The following ABCC8 variants were observed in gnomAD, a reference collection of about 807,000 sequenced individuals.
ABCC8 encodes the protein ATP binding cassette subfamily C member 8.
Under a neutral mutation model 188.0 loss-of-function variants are expected in ABCC8, and 137 were observed. The ratio of observed to expected loss-of-function variants is 0.73; its 90% CI spans 0.63 to 0.84. ABCC8 has a LOEUF of 0.84. Ranked by LOEUF, ABCC8 falls within the 40% of genes least tolerant of loss-of-function variation. ABCC8 has a pLI of 0.00. For missense variants in ABCC8, 1,750 were observed against 2,072.7 expected (o/e 0.84, Z 3.02); for synonymous variants, 797 against 846.5 (o/e 0.94, Z 1.01).
rs568576108 is a variant in ABCC8, at chr11:17,407,121, C to G, written c.2929G>C (p.Ala977Pro). 1.9e-6 allele frequency: 3 copies of G among 1,611,636 alleles called. No individual in the cohort carries two copies. The African/African-American group carries it at 4.0e-5, about 22-fold the overall frequency. The change falls in exon 25 of 39, where the codon GCT becomes CCT. Residue 977 changes from alanine (A) to proline (P), a missense_variant. By Grantham distance (27) the Ala-to-Pro change is conservative. Transcript: ENST00000389817. ...QDEEEEEEEA[A>P]ESEEDDNLSS... ...AGGTTGTCATCCTCCTCGCTCTCAG[C>G]TGCCTCCTCTGCAGGCCGCAAGAAC...
intron 16 of ABCC8, among the ~76,000 whole-genome samples, chr11:17,417,302 G>A (rs918668322): frequency 2.6e-5 from 4 of 152,082 alleles, no homozygotes; most frequent in African/African-American, 9.7e-5. Flanking sequence ...TTCTTATAGT[G>A]TTTTCCAAAC....
intron 14 of ABCC8, 92 bp from the exon 15 acceptor site, chr11:17,428,034 C>T (rs1027425983): frequency 8.2e-6 from 13 of 1,585,608 alleles, no homozygotes; most frequent in Non-Finnish European, 1.0e-5. Context: ...CCATGAAAGC[C>T]AAAAGACACT....
At chr11:17,467,449 CTCT>C (rs763976438) in intron 3 of ABCC8, among the ~76,000 whole-genome samples, 17 of 152,090 alleles carry the variant, frequency 1.1e-4, no homozygotes, top group South Asian at 8.3e-4. Flanking sequence ...ACCCACGCCA[CTCT>C]TCTTCTTCTG....
chr11:17,474,237 T>C (rs1002127293), intron 2 of ABCC8, among the ~76,000 whole-genome samples: 1 of 152,246 alleles, frequency 6.6e-6, no homozygotes, highest in Non-Finnish European at 1.5e-5. Context: ...TTTATGTTTA[T>C]CACATGCCTT....
intron 10 of ABCC8, chr11:17,436,100 C>T (rs1055942015): frequency 4.8e-6 from 4 of 841,874 alleles, no homozygotes; most frequent in African/African-American, 1.7e-5. Flanking sequence ...CCCAAAGGAA[C>T]AGCATTTCTG....
chr11:17,395,958 C>T, intron 33 of ABCC8, 28 bp from the exon 34 acceptor site: 1 of 1,555,842 alleles, frequency 6.4e-7, no homozygotes, highest in Non-Finnish European at 8.7e-7. Flanking sequence ...GGCACCGCCA[C>T]TGGGACTCTG....
chr11:17,435,339 C>T (rs79584400), intron 10 of ABCC8, among the ~76,000 whole-genome samples: 1 of 152,172 alleles, frequency 6.6e-6, no homozygotes, highest in Admixed American at 6.5e-5. Context: ...ATTGTTTCCA[C>T]TGTCTCAGGA....
intron 29 of ABCC8, among the ~76,000 whole-genome samples, chr11:17,401,278 G>A (rs1429324163): frequency 1.3e-5 from 2 of 152,250 alleles, no homozygotes; most frequent in African/African-American, 4.8e-5. Flanking sequence ...GCTGGGAGGA[G>A]ACTCTAGAGT....
At chr11:17,467,125 G>T (rs1848212545) in intron 3 of ABCC8, among the ~76,000 whole-genome samples, 1 of 146,916 alleles carries the variant, frequency 6.8e-6, no homozygotes. Flanking sequence ...AACATCTGTG[G>T]TATGACCTTC....
chr11:17,463,390 C>A (rs754026414), intron 4 of ABCC8, 48 bp downstream of exon 4: 1 of 1,497,282 alleles, frequency 6.7e-7, no homozygotes, highest in South Asian at 1.2e-5. Context: ...AGGACAGAGG[C>A]CAGAGCCTCT....
intron 10 of ABCC8, among the ~76,000 whole-genome samples, chr11:17,441,890 G>A (rs373010456): frequency 5.9e-5 from 9 of 152,210 alleles, no homozygotes; most frequent in African/African-American, 2.2e-4. Flanking sequence ...GACTAGCCTG[G>A]CCAATATGGT....
rs137873871 is a variant in ABCC8 at position 17,470,159 on chromosome 11, G to A, written c.354C>T (p.Val118=). 3.8e-3 allele frequency: 6,200 copies of A among 1,614,130 alleles called. 35 individuals carry two copies. The highest frequency in any genetic ancestry group is 3.6e-3 in the Non-Finnish European group (4,216 of 1,180,036). ...MPAGMAFMAA[V]TSVVYYHNIE... is the part of the protein sequence containing the mutation. The stretch of plus-strand genomic sequence containing the variant: ...TGTTGTGATAGTAGACCACGGAGGT[G>A]ACAGCAGCCATGAACGCCATCCCGG... The change falls in exon 3 of 39, where the codon GTC becomes GTT. Residue 118 remains valine (V), a synonymous_variant. Transcript: ENST00000389817.
chr11:17,470,261 C>G, intron 2 of ABCC8, 39 bp from the exon 3 acceptor site: 2 of 1,613,146 alleles, frequency 1.2e-6, no homozygotes, highest in Non-Finnish European at 8.5e-7. Context: ...TGGGGACATG[C>G]TAAGTACTGC....
Position 17,443,243 on chromosome 11 carries a change from T to C in ABCC8, c.1402A>G (p.Ile468Val). ...VSALIGAAVIILLAPVQYFVA... is the reference protein window; with the variant it reads ...VSALIGAAVIVLLAPVQYFVA... ...AAGTACTGGACAGGAGCCAGTAGAA[T>C]GATGACAGCTGCTCCAATTAAGGCA... Residue 468 changes from isoleucine to valine, a missense_variant, in exon 9 of 39, where the codon ATT (isoleucine) becomes GTT (valine). Coordinates refer to ENST00000389817, the MANE Select transcript of ABCC8 (RefSeq NM_000352.6). The C allele has an allele frequency of 6.2e-7, 1 of 1,614,106 alleles. No individual in the cohort carries two copies. The highest frequency in any genetic ancestry group is 2.2e-5 in the East Asian group (1 of 44,864).
chr11:17,395,414 G>A (rs1443715583), intron 35 of ABCC8, 139 bp from the exon 36 acceptor site: 1 of 1,510,340 alleles, frequency 6.6e-7, no homozygotes, highest in South Asian at 1.3e-5. Context: ...GGCAGTGGGT[G>A]GGGGACAGCA....
intron 2 of ABCC8, 61 bp from the exon 3 acceptor site, chr11:17,470,283 C>G: frequency 6.2e-7 from 1 of 1,610,664 alleles, no homozygotes; most frequent in South Asian, 1.1e-5. Context: ...ATAGAGCAGC[C>G]CAGGCCTTGA....
intron 6 of ABCC8, among the ~76,000 whole-genome samples, chr11:17,457,680 C>T (rs959290035): frequency 1.3e-4 from 20 of 152,292 alleles, no homozygotes; most frequent in Non-Finnish European, 2.5e-4. Flanking sequence ...TGGGGAGTGG[C>T]AGCGGGGTGA....
Position 17,404,290 on chromosome 11 carries a change from G to A in ABCC8, c.3557+222C>T, listed in dbSNP as rs1418210209. ...TCCAGTCCTGACCATATCGCCCAAG[G>A]AAATAATTCAGATGTCAACCTCAGT... is the stretch of plus-strand genomic sequence containing the variant. On this transcript the variant is annotated intron_variant, in intron 28 of 38. Transcript: ENST00000389817. The surrounding 1 kb of genome is among the most constrained non-coding windows in gnomAD (Gnocchi z 4.7). 6.6e-6 allele frequency among the ~76,000 whole-genome samples: 1 copy of A among 152,190 alleles called. No individual in the cohort carries two copies. Among genetic ancestry groups the A allele is most frequent in the Non-Finnish European group, 1.5e-5 (1 of 68,044 alleles).
intron 38 of ABCC8, among the ~76,000 whole-genome samples, 173 bp downstream of exon 38, chr11:17,393,524 G>T (rs1953738716): frequency 6.6e-6 from 1 of 152,006 alleles, no homozygotes; most frequent in Non-Finnish European, 1.5e-5. Flanking sequence ...CCCAAATCCT[G>T]CAACCCAGGC....
Sources: allele counts gnomAD v4.1 joint callset (sites outside exome capture counted in the v4.1 genomes callset), GRCh38; gene constraint gnomAD v4.1.1; non-coding constraint Gnocchi (gnomAD v3.1); transcripts MANE v1.5; gene names NCBI Gene and HGNC (gene_info 2026-07-23, HGNC 2026-07-21).